Variants in MYH9 observed in about 807,000 individuals in gnomAD.
MYH9 encodes myosin heavy chain 9.
MYH9 carries 29 observed loss-of-function variants against 241.9 expected under a neutral mutation model. The ratio of observed to expected loss-of-function variants is 0.12; its 90% CI spans 0.09 to 0.16. MYH9 has a LOEUF of 0.16. Among genes scored for constraint, MYH9 ranks in the 10% least tolerant of loss-of-function variants. MYH9 has a pLI of 1.00. For synonymous variants in MYH9, 1,047 were observed against 1,062.6 expected (o/e 0.99, Z 0.29); for missense variants, 1,803 against 2,595.5 (o/e 0.69, Z 6.63).
chr22:36,352,703 A>G (rs1225136247), intron 1 of MYH9, among the ~76,000 whole-genome samples: 2 of 152,204 alleles, frequency 1.3e-5, no homozygotes, highest in Non-Finnish European at 2.9e-5. Context: ...AGGCCTGGCC[A>G]CCAAGCCACA....
Position 36,300,814 on chromosome 22 carries a change from C to T in MYH9, c.2838+37G>A. 2 of 1,598,162 alleles carry T rather than the reference C, an allele frequency of 1.3e-6. No homozygotes were observed. Among genetic ancestry groups the T allele is most frequent in the Non-Finnish European group, 1.7e-6 (2 of 1,179,342 alleles). ...TGCTCCTCCGCCCCGCCCTGCCCCT[C>T]CGGCGCCACCCCTCCCCGGGTGCAG... On this transcript the variant is annotated intron_variant, in intron 22 of 40. Transcript: ENST00000216181. The surrounding 1 kb of genome is among the most constrained non-coding windows in gnomAD (Gnocchi z 5.0).
At chr22:36,378,845 A>G (rs562714985) in intron 1 of MYH9, among the ~76,000 whole-genome samples, 14 of 152,166 alleles carry the variant, frequency 9.2e-5, no homozygotes, top group Non-Finnish European at 1.8e-4. Context: ...GAGAGTCACC[A>G]TTTAGAAAAC....
At chr22:36,335,741 G>A (rs2017488076) in intron 3 of MYH9, among the ~76,000 whole-genome samples, 1 of 152,166 alleles carries the variant, frequency 6.6e-6, no homozygotes, top group South Asian at 2.1e-4. Flanking sequence ...AGAAAATGAG[G>A]GGCACCAATG....
At chr22:36,287,201 C>T (rs2016600322) in intron 34 of MYH9, among the ~76,000 whole-genome samples, 1 of 152,220 alleles carries the variant, frequency 6.6e-6, no homozygotes, top group African/African-American at 2.4e-5. Context: ...CCACCACAGG[C>T]AGGAAACACC....
chr22:36,366,748 G>A (rs1447104502), intron 1 of MYH9, among the ~76,000 whole-genome samples: 1 of 152,132 alleles, frequency 6.6e-6, no homozygotes, highest in Non-Finnish European at 1.5e-5. Context: ...GAGATACCCA[G>A]AAGTGACGGT....
At chr22:36,356,674 T>C (rs540568916) in intron 1 of MYH9, among the ~76,000 whole-genome samples, 21 of 147,064 alleles carry the variant, frequency 1.4e-4, no homozygotes, top group African/African-American at 5.0e-4. Context: ...ACTTATTCAA[T>C]CAACTAATAC....
rs867850342 is a variant in MYH9, at chr22:36,293,624, C to T, written c.3942+135G>A. 2.0e-5 allele frequency: 27 copies of T among 1,346,630 alleles called. No homozygotes were observed. The highest frequency in any genetic ancestry group is 3.6e-4 in the Middle Eastern group (2 of 5,632). The allele number at this position is 1,346,630 out of a possible 1,614,324, so 83.4% of individuals were successfully genotyped here. On this transcript the variant is annotated intron_variant, in intron 29 of 40. Coordinates refer to ENST00000216181, the MANE Select transcript of MYH9 (RefSeq NM_002473.6). The surrounding 1 kb of genome is among the most constrained non-coding windows in gnomAD (Gnocchi z 5.1). ...AAAGACCTGGAGGGAGCTGGGAGGA[C>T]GCAGAGACCCACCCACAGGATGAAG...
rs1423923026 is a variant in MYH9 at position 36,341,507 on chromosome 22, C to T, written c.353G>A (p.Cys118Tyr). 2 of 1,614,152 alleles carry T rather than the reference C, an allele frequency of 1.2e-6. No individual in the cohort carries two copies. Among genetic ancestry groups the T allele is most frequent in the Admixed American group, 1.7e-5 (1 of 60,030 alleles). Residue 118 changes from cysteine (C) to tyrosine (Y), a missense_variant, in exon 3 of 41, where the codon TGT becomes TAT. By Grantham distance (194) the Cys-to-Tyr change is radical. This residue lies in a region of MYH9 where 72 missense variants were observed against 134.3 expected (regional missense o/e 0.54). Coordinates refer to ENST00000216181, the MANE Select transcript of MYH9 (RefSeq NM_002473.6). ...GTTCTTGTAAGGATTGATGACCACACAGAACAGGCCTGAATAGGTCTAAAG... is the reference window on the plus strand; with the variant it reads ...GTTCTTGTAAGGATTGATGACCACATAGAACAGGCCTGAATAGGTCTAAAG... ...GLIYTYSGLF[C>Y]VVINPYKNLP...
intron 2 of MYH9, among the ~76,000 whole-genome samples, chr22:36,348,265 T>C (rs2017709876): frequency 6.6e-6 from 1 of 151,178 alleles, no homozygotes; most frequent in African/African-American, 2.4e-5. Context: ...TGCCAGCACT[T>C]TGGGAGGCCG....
chr22:36,348,879 G>A, intron 2 of MYH9, 25 bp downstream of exon 2: 1 of 1,465,550 alleles, frequency 6.8e-7, no homozygotes, highest in East Asian at 4.2e-5. Flanking sequence ...GACCCAGCCT[G>A]CGGGGTGCCA....
chr22:36,308,934 A>G, intron 15 of MYH9: 1 of 898,186 alleles, frequency 1.1e-6, no homozygotes, highest in Non-Finnish European at 1.3e-6. Context: ...AGAAAGAATT[A>G]AAAAGAACCA....
intron 5 of MYH9, 77 bp downstream of exon 5, chr22:36,326,491 G>T: frequency 7.8e-7 from 1 of 1,288,868 alleles, no homozygotes; most frequent in South Asian, 1.2e-5. Flanking sequence ...CTGAAGCCGG[G>T]ACCACTAAGT....
In MYH9 at chr22:36,320,420, T is replaced by A. The variant is rs1419947878; in HGVS notation, c.869-57A>T. The A allele has an allele frequency of 4.4e-6, 7 of 1,601,608 alleles. No individual in the cohort carries two copies. In the East Asian group the frequency reaches 1.6e-4, roughly 36 times the overall value. On this transcript the variant is annotated intron_variant, in intron 8 of 40. Coordinates refer to ENST00000216181, the MANE Select transcript of MYH9 (RefSeq NM_002473.6). This position sits in a 1 kb window ranked among gnomAD's most constrained non-coding sequence, Gnocchi z 4.8. Reference sequence around the variant, plus strand: ...CGAGGTGCTGAAAGTGGAGGCTCCATCAGCGCTGTGACCTCAAAGGTTGGA... The same window carrying A: ...CGAGGTGCTGAAAGTGGAGGCTCCAACAGCGCTGTGACCTCAAAGGTTGGA...
chr22:36,327,678 G>A (rs929938392), intron 3 of MYH9, among the ~76,000 whole-genome samples, 190 bp from the exon 4 acceptor site: 2 of 152,176 alleles, frequency 1.3e-5, no homozygotes, highest in African/African-American at 4.8e-5. Flanking sequence ...TTGGGCAGCT[G>A]CTCCTGCCGC....
At position 36,301,125 on chromosome 22, in the gene MYH9, G is replaced by A. The variant is rs1603483061; in HGVS notation, c.2632-68C>T. The A allele has an allele frequency of 1.4e-5, 21 of 1,481,588 alleles. No individual in the cohort carries two copies. The East Asian group carries it at 4.7e-4, about 33-fold the overall frequency. The allele number at this position is 1,481,588 out of a possible 1,614,324, so 91.8% of individuals were successfully genotyped here. ...TCAAGCCACTCCATCCTCAAGGACG[G>A]ACGCCATGGCTCGGGATCCCAGAGG... On this transcript the variant is annotated intron_variant, in intron 21 of 40. Coordinates refer to ENST00000216181, the MANE Select transcript of MYH9 (RefSeq NM_002473.6).
In MYH9 at chr22:36,294,938, C is replaced by T. The variant is rs540687260; in HGVS notation, c.3624G>A (p.Thr1208=). The T allele has an allele frequency of 2.0e-5, 33 of 1,613,360 alleles. No individual in the cohort carries two copies. The East Asian group carries it at 2.9e-4, about 14-fold the overall frequency. ...VEELAEQLEQ[T]KRVKANLEKA... is the part of the protein sequence containing the mutation. ...TCTCAGGGAGGCTCCGCACCCGCTT[C>T]GTCTGCTCCAGCTGCTCCGCCAGCT... is the stretch of plus-strand genomic sequence containing the variant. The change falls in exon 27 of 41, where the codon ACG becomes ACA. Residue 1208 remains threonine (T), a synonymous_variant. Coordinates refer to ENST00000216181, the MANE Select transcript of MYH9 (RefSeq NM_002473.6).
chr22:36,299,282 C>T (rs868182569), intron 23 of MYH9, among the ~76,000 whole-genome samples: 11 of 152,204 alleles, frequency 7.2e-5, no homozygotes, highest in Admixed American at 4.6e-4. Flanking sequence ...CTTCCCCTTC[C>T]CCTGTGGGCT....
rs576986616 is a variant in MYH9 at position 36,310,162 on chromosome 22, A to C, written c.1729-766T>G. 1.9e-4 allele frequency among the ~76,000 whole-genome samples: 29 copies of C among 149,382 alleles called. No homozygotes were observed. In the South Asian group the frequency reaches 2.7e-3, roughly 14 times the overall value. ...CTACAGGGCTGTAATCTCAGCCCCT[A>C]GGGGGGCTGAGGCAGGAGGATCGCT... is the stretch of plus-strand genomic sequence containing the variant. On this transcript the variant is annotated intron_variant, in intron 14 of 40. Transcript: ENST00000216181.
intron 28 of MYH9, 40 bp downstream of exon 28, chr22:36,294,052 G>A: frequency 6.3e-7 from 1 of 1,599,456 alleles, no homozygotes; most frequent in Non-Finnish European, 8.5e-7. Flanking sequence ...ACTGCTGCTA[G>A]GGCCCACTGC....
Sources: allele counts gnomAD v4.1 joint callset (sites outside exome capture counted in the v4.1 genomes callset), GRCh38; gene constraint gnomAD v4.1.1; regional missense constraint gnomAD v4.1.1; non-coding constraint Gnocchi (gnomAD v3.1); transcripts MANE v1.5; gene names NCBI Gene and HGNC (gene_info 2026-07-23, HGNC 2026-07-21).